Variants in CFAP100 observed in about 807,000 individuals in gnomAD.
The protein encoded by CFAP100 is cilia- and flagella-associated protein 100.
CFAP100 carries 70 observed loss-of-function variants against 81.5 expected under a neutral mutation model. That is an observed-to-expected ratio of 0.86 (90% CI 0.71 to 1.05). The LOEUF is 1.05. Ranked by LOEUF, CFAP100 falls within the 50% of genes least tolerant of loss-of-function variation. The probability of loss-of-function intolerance (pLI) is 0.00; values close to 1 mark genes in which losing one functional copy is unlikely to be tolerated. For synonymous variants in CFAP100, 341 were observed against 314.8 expected, an observed-to-expected ratio of 1.08 and a Z score of -0.88; for missense variants, 811 against 776.5, an observed-to-expected ratio of 1.04 and a Z score of -0.53.
chr3:126,435,697 A>G, intron 16 of CFAP100, 45 bp downstream of exon 16: 1 of 1,500,290 alleles, frequency 6.7e-7, no homozygotes, highest in Non-Finnish European at 9.2e-7. Context: ...GGGGGTCCCA[A>G]GACAGCATGG....
At chr3:126,408,364 C>T (rs1346582873) in intron 3 of CFAP100, among the ~76,000 whole-genome samples, 1 of 152,200 alleles carries the variant, frequency 6.6e-6, no homozygotes, top group Admixed American at 6.5e-5. Context: ...ATCCCAGAAA[C>T]ATTTTCCGTA....
At chr3:126,407,280 C>G in intron 3 of CFAP100, 28 bp downstream of exon 3, 1 of 1,571,160 alleles carries the variant, frequency 6.4e-7, no homozygotes, top group African/African-American at 1.3e-5. Context: ...AGGCTAAAGT[C>G]CAAGTTGGCA....
chr3:126,413,010 C>T (rs760757264), intron 3 of CFAP100, among the ~76,000 whole-genome samples: 1 of 152,254 alleles, frequency 6.6e-6, no homozygotes, highest in African/African-American at 2.4e-5. Flanking sequence ...CATGCGTGTT[C>T]ATCACCAGTT....
chr3:126,416,594 C>A, intron 5 of CFAP100, 86 bp downstream of exon 5: 1 of 1,167,228 alleles, frequency 8.6e-7, no homozygotes. Flanking sequence ...CTCCGTGCCA[C>A]TCATCTTGCA....
In CFAP100 at chr3:126,434,199, C is replaced by T; in HGVS notation, c.1446C>T (p.Asn482=). The change falls in exon 15 of 17, where the codon AAC becomes AAT. Residue 482 remains asparagine, a synonymous_variant. Coordinates refer to ENST00000352312, the MANE Select transcript of CFAP100 (RefSeq NM_182628.3). The stretch of plus-strand genomic sequence containing the variant: ...AGGATAAGCTGCTAGAGAGCCTGAA[C>T]TGCAAGGTGCTGGATGTGTACCGGC... ...DQQDKLLESL[N]CKVLDVYRHC... 4.3e-6 allele frequency: 7 copies of T among 1,612,752 alleles called. No individual in the cohort carries two copies. The highest frequency in any genetic ancestry group is 5.9e-6 in the Non-Finnish European group (7 of 1,179,236).
intron 11 of CFAP100, among the ~76,000 whole-genome samples, chr3:126,421,227 C>G (rs567515712): frequency 2.1e-3 from 326 of 152,318 alleles, no homozygotes; most frequent in African/African-American, 7.5e-3. Flanking sequence ...TGGTCTCAAA[C>G]TCCTGACCTC....
chr3:126,414,171 GCT>G lies in CFAP100; in HGVS notation c.223_224del (p.Ser75ArgfsTer23). On this transcript the variant is annotated frameshift_variant, in exon 4 of 17. Coordinates refer to ENST00000352312, the MANE Select transcript of CFAP100 (RefSeq NM_182628.3). LOFTEE classifies it high-confidence loss of function. The part of the protein sequence containing the change: ...FLLRDQERNK[A>X]LSERQQQKTM... ...GCTCAGAGATCAGGAGCGGAATAAG[GCT>G]CTCTCCGTGAGTATCCAGGACAGAC... The G allele has an allele frequency of 6.2e-7, 1 of 1,612,844 alleles. No homozygotes were observed. Among genetic ancestry groups the G allele is most frequent in the Non-Finnish European group, 8.5e-7 (1 of 1,178,852 alleles).
intron 2 of CFAP100, among the ~76,000 whole-genome samples, chr3:126,401,495 T>A (rs1481461755): frequency 7.0e-6 from 1 of 143,876 alleles, no homozygotes; most frequent in African/African-American, 2.6e-5. Flanking sequence ...GTTAAATAAG[T>A]GAAGTAAACA....
At chr3:126,407,004 C>T (rs576132294) in intron 2 of CFAP100, among the ~76,000 whole-genome samples, 168 bp from the exon 3 acceptor site, 1 of 152,350 alleles carries the variant, frequency 6.6e-6, no homozygotes, top group South Asian at 2.1e-4. Flanking sequence ...TCACAACTTC[C>T]CAGCAAAGTC....
At chr3:126,416,054 G>A (rs1003684931) in intron 4 of CFAP100, among the ~76,000 whole-genome samples, 4 of 152,148 alleles carry the variant, frequency 2.6e-5, no homozygotes, top group South Asian at 2.1e-4. Context: ...TCGGGTAAGC[G>A]TGCCCCCTCT....
chr3:126,395,822 A>C, intron 1 of CFAP100, 120 bp from the exon 2 acceptor site: 1 of 602,226 alleles, frequency 1.7e-6, no homozygotes, highest in South Asian at 2.0e-5. Flanking sequence ...AGAGGCAGGG[A>C]GCCGGCAGGT....
chr3:126,410,684 G>C (rs974079594), intron 3 of CFAP100, among the ~76,000 whole-genome samples: 1 of 151,954 alleles, frequency 6.6e-6, no homozygotes, highest in Non-Finnish European at 1.5e-5. Flanking sequence ...TCTTTTTCTT[G>C]AATCACTCTC....
chr3:126,423,327 C>T lies in CFAP100; in HGVS notation c.1085C>T (p.Ser362Leu), dbSNP rs866705267. Residue 362 changes from serine (S) to leucine (L), a missense_variant and splice_region_variant, in exon 12 of 17, where the codon TCG (serine) becomes TTG (leucine). Transcript: ENST00000352312. ...CCGACCCTGCCATCTCTTCGCAGGT[C>T]GAACTCTCCCATCCCCCCCACGCAG... ...SESSGGDSRG[S>L]NSPIPPTQED... The T allele has an allele frequency of 8.7e-6, 14 of 1,612,800 alleles. No homozygotes were observed. The Admixed American group carries it at 1.2e-4, about 13-fold the overall frequency.
At chr3:126,435,802 T>A in intron 16 of CFAP100, 150 bp downstream of exon 16, 6 of 611,742 alleles carry the variant, frequency 9.8e-6, no homozygotes, top group Non-Finnish European at 1.7e-5. Flanking sequence ...GAGCAAGGCC[T>A]CTCCCAGGAC....
At chr3:126,434,734 C>T (rs62264697) in intron 15 of CFAP100, among the ~76,000 whole-genome samples, 1,732 of 152,230 alleles carry the variant, frequency 0.011, 16 homozygotes, top group East Asian at 0.052. Context: ...GGGGCAAACA[C>T]GGCCAGGTAG....
At chr3:126,398,029 G>A (rs2082914971) in intron 2 of CFAP100, among the ~76,000 whole-genome samples, 1 of 152,266 alleles carries the variant, frequency 6.6e-6, no homozygotes, top group Non-Finnish European at 1.5e-5. Flanking sequence ...AGGGCCTGTG[G>A]CCCGGGAGGA....
chr3:126,405,054 G>A (rs558548370), intron 2 of CFAP100, among the ~76,000 whole-genome samples: 7 of 152,010 alleles, frequency 4.6e-5, no homozygotes, highest in African/African-American at 7.2e-5. Flanking sequence ...TGTATGGTTC[G>A]GTGGCATTGA....
Position 126,414,470 on chromosome 3 carries a change from C to A in CFAP100, c.225+291C>A, listed in dbSNP as rs1041225937. 9.8e-6 allele frequency: 6 copies of A among 613,800 alleles called. No homozygotes were observed. In the African/African-American group the frequency reaches 1.1e-4, roughly 11 times the overall value. The allele number at this position is 613,800 out of a possible 1,614,324, so 38.0% of individuals were successfully genotyped here. On this transcript the variant is annotated intron_variant, in intron 4 of 16. Coordinates refer to ENST00000352312, the MANE Select transcript of CFAP100 (RefSeq NM_182628.3). ...CTCAGCCACCTCGCCGCCACTTCCA[C>A]TGCTGCCTGCGTGAAATGCCATCCT...
chr3:126,422,621 G>T (rs1201439296), intron 11 of CFAP100, among the ~76,000 whole-genome samples: 1 of 152,310 alleles, frequency 6.6e-6, no homozygotes, highest in South Asian at 2.1e-4. Context: ...CCCACACTGA[G>T]TGCTTAAAGC....
Sources: gnomAD v4.1 joint callset for allele counts (sites outside exome capture counted in the v4.1 genomes callset) on GRCh38, gnomAD v4.1.1 for gene constraint, MANE v1.5 for transcripts, NCBI Gene and HGNC (gene_info 2026-07-23, HGNC 2026-07-21) for gene names.